The following ACTR3C variants were observed in gnomAD, a reference collection of about 807,000 sequenced individuals.
ACTR3C encodes actin related protein 3C, also known as actin-related protein 3C.
A neutral mutation model predicts 26.3 loss-of-function variants in ACTR3C; 18 were observed. That is an observed-to-expected ratio of 0.68 (90% CI 0.47 to 1.01). The LOEUF (loss-of-function observed/expected upper bound fraction) is 1.01, where lower values mean the gene tolerates loss of function less well. Ranked by LOEUF, ACTR3C falls within the 50% of genes least tolerant of loss-of-function variation. The probability of loss-of-function intolerance (pLI) is 0.00; values close to 1 mark genes in which losing one functional copy is unlikely to be tolerated. For missense variants in ACTR3C, 184 were observed against 250.7 expected (o/e 0.73, Z 1.80); for synonymous variants, 55 against 94.5 (o/e 0.58, Z 2.42).
the ACTR3C span, among the ~76,000 whole-genome samples, chr7:149,900,322 G>A: frequency 6.6e-6 from 1 of 151,946 alleles, no homozygotes; most frequent in African/African-American, 2.4e-5. Context: ...GACTACAGGT[G>A]CACGCCACCA....
the ACTR3C span, among the ~76,000 whole-genome samples, chr7:150,046,819 A>T: frequency 1.4e-5 from 2 of 143,746 alleles, no homozygotes; most frequent in Non-Finnish European, 3.0e-5. Context: ...TACTAGGGCG[A>T]TGTGCAAATC....
At chr7:149,905,735 T>C in the ACTR3C span, among the ~76,000 whole-genome samples, 2 of 151,962 alleles carry the variant, frequency 1.3e-5, no homozygotes, top group African/African-American at 4.8e-5. Flanking sequence ...ATTTTTTGAA[T>C]GAGCCATCAT....
rs143614354 is a variant in ACTR3C, at chr7:150,277,290, A to G, written c.564+7463T>C. Among the ~76,000 whole-genome samples, 351 of 152,276 alleles carry G rather than the reference A, an allele frequency of 2.3e-3. 1 individual carries two copies. Among genetic ancestry groups the G allele is most frequent in the African/African-American group, 7.8e-3 (325 of 41,542 alleles). The stretch of plus-strand genomic sequence containing the variant: ...GGAGTTCGAGACCAGCTTGGTCAAC[A>G]CAGCAAGACCCCATCTCTTAAAAGA... On this transcript the variant is annotated intron_variant, in intron 6 of 7. Coordinates refer to ENST00000683684, the MANE Select transcript of ACTR3C (RefSeq NM_001164458.2).
chr7:149,894,778 A>C, the ACTR3C span, among the ~76,000 whole-genome samples: 169 of 152,110 alleles, frequency 1.1e-3, no homozygotes, highest in Non-Finnish European at 1.3e-4. Context: ...ACCTTTATAC[A>C]CTATAGGTGG....
the ACTR3C span, among the ~76,000 whole-genome samples, chr7:150,030,140 TAATA>T: frequency 8.3e-6 from 1 of 120,032 alleles, no homozygotes. Context: ...GTGAAACGAT[TAATA>T]TATAGGTTTA....
At chr7:150,154,995 C>T in the ACTR3C span, among the ~76,000 whole-genome samples, 24,342 of 151,936 alleles carry the variant, frequency 0.16, 2,611 homozygotes, top group African/African-American at 0.3. Flanking sequence ...AAAAGGTGAG[C>T]GTAGACAAAC....
chr7:150,203,310 A>C, the ACTR3C span, among the ~76,000 whole-genome samples: 1 of 152,252 alleles, frequency 6.6e-6, no homozygotes, highest in African/African-American at 2.4e-5. Context: ...TTCCATAAGC[A>C]TGAGCACACA....
the ACTR3C span, among the ~76,000 whole-genome samples, chr7:150,035,667 G>C: frequency 4.4e-5 from 6 of 135,790 alleles, 2 homozygotes; most frequent in Non-Finnish European, 9.9e-5. Context: ...AGTCCTCCAG[G>C]TGGGTCCTAA....
chr7:149,919,248 G>T, the ACTR3C span, among the ~76,000 whole-genome samples: 2 of 150,558 alleles, frequency 1.3e-5, no homozygotes, highest in African/African-American at 4.9e-5. Context: ...CCATCCTTTT[G>T]CTTTTTTTTT....
chr7:149,922,575 C>A, the ACTR3C span, among the ~76,000 whole-genome samples: 1 of 152,008 alleles, frequency 6.6e-6, no homozygotes, highest in Non-Finnish European at 1.5e-5. Context: ...GGGGATGCCA[C>A]ATCTCAGTAT....
chr7:149,987,780 G>A, the ACTR3C span, among the ~76,000 whole-genome samples: 4 of 150,746 alleles, frequency 2.7e-5, no homozygotes, highest in Non-Finnish European at 5.9e-5. Flanking sequence ...AGTGAGCAAC[G>A]CTAAAGAAGA....
chr7:150,231,843 G>A, the ACTR3C span, among the ~76,000 whole-genome samples: 2 of 151,898 alleles, frequency 1.3e-5, no homozygotes, highest in African/African-American at 2.4e-5. Flanking sequence ...ATGTTATGCT[G>A]TTTGTAGGTA....
the ACTR3C span, among the ~76,000 whole-genome samples, chr7:150,185,276 C>T: frequency 0.026 from 3,721 of 140,986 alleles, 68 homozygotes; most frequent in African/African-American, 0.091. Flanking sequence ...AAATGTCAGG[C>T]GTGTGTGTGT....
At chr7:150,164,882 G>A in the ACTR3C span, among the ~76,000 whole-genome samples, 1 of 152,142 alleles carries the variant, frequency 6.6e-6, no homozygotes, top group Admixed American at 6.5e-5. Flanking sequence ...CTCGTTATAG[G>A]GAGAATTCCC....
chr7:149,889,704 T>A, the ACTR3C span, among the ~76,000 whole-genome samples: 1 of 152,160 alleles, frequency 6.6e-6, no homozygotes, highest in South Asian at 2.1e-4. Context: ...AAAAAATTTT[T>A]AAAAATTAGC....
chr7:150,001,441 A>G, the ACTR3C span: 16,798 of 126,044 alleles, frequency 0.13, no homozygotes, highest in East Asian at 0.29. Context: ...TCACAGTTAC[A>G]GTAGTGGGTG....
the ACTR3C span, among the ~76,000 whole-genome samples, chr7:150,015,805 G>T: frequency 2.0e-5 from 3 of 152,144 alleles, no homozygotes; most frequent in Non-Finnish European, 4.4e-5. Flanking sequence ...TGGCACAGGT[G>T]GTGGGGAGGG....
intron 6 of ACTR3C, among the ~76,000 whole-genome samples, chr7:150,278,557 G>A (rs977160773): frequency 6.6e-6 from 1 of 152,238 alleles, no homozygotes; most frequent in Non-Finnish European, 1.5e-5. Context: ...CTGGCGCTCT[G>A]CAGGTGCTCA....
chr7:150,292,951 G>A (rs1471594361), intron 3 of ACTR3C, among the ~76,000 whole-genome samples: 4 of 152,226 alleles, frequency 2.6e-5, no homozygotes, highest in African/African-American at 4.8e-5. Flanking sequence ...CCAACATGTC[G>A]GAATAACCCC....
Sources: allele counts gnomAD v4.1 joint callset (sites outside exome capture counted in the v4.1 genomes callset), GRCh38; gene constraint gnomAD v4.1.1; transcripts MANE v1.5; gene names NCBI Gene and HGNC (gene_info 2026-07-23, HGNC 2026-07-21).